The following FAM110B variants were observed in gnomAD, a reference collection of about 807,000 sequenced individuals.
FAM110B encodes the protein family with sequence similarity 110 member B, also known as protein FAM110B.
FAM110B carries 6 observed loss-of-function variants against 20.4 expected under a neutral mutation model. That is an observed-to-expected ratio of 0.29 (90% CI 0.16 to 0.58). The LOEUF is 0.58. FAM110B is among the 20% of genes least tolerant of loss of function. The probability of loss-of-function intolerance (pLI) is 0.90; values close to 1 mark genes in which losing one functional copy is unlikely to be tolerated. For synonymous variants in FAM110B, 226 were observed against 214.1 expected, an observed-to-expected ratio of 1.06 and a Z score of -0.49; for missense variants, 434 against 498.2, an observed-to-expected ratio of 0.87 and a Z score of 1.23.
At chr8:57,995,004 G>A (rs574557390) in intron 1 of FAM110B, among the ~76,000 whole-genome samples, 198 bp downstream of exon 1, 12 of 152,240 alleles carry the variant, frequency 7.9e-5, no homozygotes, top group African/African-American at 2.9e-4. Context: ...ACTGGCCCAG[G>A]CGGACCCCGT....
At chr8:58,078,280 T>C (rs933238822) in intron 3 of FAM110B, among the ~76,000 whole-genome samples, 1 of 152,218 alleles carries the variant, frequency 6.6e-6, no homozygotes, top group African/African-American at 2.4e-5. Flanking sequence ...TAAAATGATA[T>C]TGTAATGTTC....
At chr8:58,125,743 T>G (rs529413683) in intron 3 of FAM110B, among the ~76,000 whole-genome samples, 1 of 152,348 alleles carries the variant, frequency 6.6e-6, no homozygotes, top group East Asian at 1.9e-4. Flanking sequence ...ATTGTAATTT[T>G]AACCTCTTGT....
intron 2 of FAM110B, among the ~76,000 whole-genome samples, chr8:58,033,056 C>G (rs188880432): frequency 6.6e-6 from 1 of 152,122 alleles, no homozygotes; most frequent in African/African-American, 2.4e-5. Context: ...TCAGCCTTTT[C>G]CCCCTGTAAC....
chr8:58,027,123 A>G (rs1804869287), intron 1 of FAM110B, among the ~76,000 whole-genome samples: 1 of 152,248 alleles, frequency 6.6e-6, no homozygotes, highest in South Asian at 2.1e-4. Context: ...CAAGAGTTTT[A>G]GAAAGTTTAT....
chr8:58,037,264 A>G (rs1047497315), intron 2 of FAM110B, among the ~76,000 whole-genome samples: 1 of 152,112 alleles, frequency 6.6e-6, no homozygotes, highest in South Asian at 2.1e-4. Context: ...ATATATTAAT[A>G]TATAATTTTT....
At chr8:58,119,430 A>G (rs1443170164) in intron 3 of FAM110B, among the ~76,000 whole-genome samples, 2 of 152,118 alleles carry the variant, frequency 1.3e-5, no homozygotes, top group East Asian at 1.9e-4. Flanking sequence ...CACTAATCCT[A>G]TTCATGAGAC....
intron 3 of FAM110B, among the ~76,000 whole-genome samples, chr8:58,123,417 A>G (rs1585906065): frequency 6.6e-6 from 1 of 152,210 alleles, no homozygotes; most frequent in East Asian, 1.9e-4. Flanking sequence ...TCATCTGTAC[A>G]CTTTGTGTCT....
chr8:57,997,950 G>A (rs974192011), intron 1 of FAM110B, among the ~76,000 whole-genome samples: 3 of 152,182 alleles, frequency 2.0e-5, no homozygotes, highest in Admixed American at 2.0e-4. Context: ...TATGTAGCAA[G>A]GTGTGTGTGT....
At chr8:58,106,917 T>C (rs1370999374) in intron 3 of FAM110B, among the ~76,000 whole-genome samples, 1 of 152,252 alleles carries the variant, frequency 6.6e-6, no homozygotes, top group East Asian at 1.9e-4. Context: ...TTCACATTTA[T>C]AACTGACGAT....
At chr8:58,050,008 T>C (rs1320539027) in intron 2 of FAM110B, among the ~76,000 whole-genome samples, 3 of 152,202 alleles carry the variant, frequency 2.0e-5, no homozygotes, top group Non-Finnish European at 4.4e-5. Context: ...AATTATATTG[T>C]TGATATTCCT....
At chr8:58,087,098 C>T (rs143948196) in intron 3 of FAM110B, among the ~76,000 whole-genome samples, 3 of 152,174 alleles carry the variant, frequency 2.0e-5, no homozygotes, top group Admixed American at 1.3e-4. Flanking sequence ...TCACAGACTT[C>T]GGAGGTAAAT....
intron 3 of FAM110B, among the ~76,000 whole-genome samples, chr8:58,085,060 T>C (rs1460636051): frequency 6.6e-6 from 1 of 152,168 alleles, no homozygotes; most frequent in Non-Finnish European, 1.5e-5. Flanking sequence ...AACCTGGCAA[T>C]TGGCATCAAA....
intron 1 of FAM110B, among the ~76,000 whole-genome samples, chr8:58,014,602 T>G (rs557505992): frequency 6.6e-6 from 1 of 152,246 alleles, no homozygotes; most frequent in Non-Finnish European, 1.5e-5. Context: ...CAACAGGCTT[T>G]AACCTTCTCA....
chr8:58,030,537 G>T (rs1036540833), intron 1 of FAM110B, among the ~76,000 whole-genome samples: 6 of 148,448 alleles, frequency 4.0e-5, no homozygotes, highest in Non-Finnish European at 8.9e-5. Flanking sequence ...TGATAGTGCT[G>T]AGGACGCTGG....
At chr8:58,110,986 G>T (rs771258609) in intron 3 of FAM110B, among the ~76,000 whole-genome samples, 6 of 152,150 alleles carry the variant, frequency 3.9e-5, no homozygotes, top group Non-Finnish European at 5.9e-5. Flanking sequence ...CTTTCCTCAA[G>T]ATAGCGTTAT....
rs1804743155 is a variant in FAM110B at position 58,021,070 on chromosome 8, GC to G, written c.-511-10535del. ...ATTTTTTGTTGCCATCGGATGGAAG[GC>G]TTTTTTGTGCTTCTAATTAGACACA... On this transcript the variant is annotated intron_variant, in intron 1 of 3. Transcript: ENST00000519262. Among the ~76,000 whole-genome samples the G allele has an allele frequency of 2.0e-5, 3 of 152,248 alleles. No homozygotes were observed. In the South Asian group the frequency reaches 6.2e-4, roughly 32 times the overall value.
At chr8:58,053,308 C>G (rs1805490601) in intron 2 of FAM110B, among the ~76,000 whole-genome samples, 1 of 152,130 alleles carries the variant, frequency 6.6e-6, no homozygotes, top group South Asian at 2.1e-4. Flanking sequence ...TCTGGAAAGA[C>G]TGATAACTGA....
intron 3 of FAM110B, among the ~76,000 whole-genome samples, chr8:58,126,009 C>T (rs1274977524): frequency 1.3e-5 from 2 of 152,160 alleles, no homozygotes; most frequent in South Asian, 2.1e-4. Flanking sequence ...ATTTGTGTAA[C>T]CACCACCACA....
chr8:58,079,294 A>C (rs1806126567), intron 3 of FAM110B, among the ~76,000 whole-genome samples: 1 of 152,172 alleles, frequency 6.6e-6, no homozygotes, highest in South Asian at 2.1e-4. Flanking sequence ...AGGAAAGGGC[A>C]TTCTCTGGGA....
Sources: allele counts gnomAD v4.1 joint callset (sites outside exome capture counted in the v4.1 genomes callset), GRCh38; gene constraint gnomAD v4.1.1; transcripts MANE v1.5; gene names NCBI Gene and HGNC (gene_info 2026-07-23, HGNC 2026-07-21).